The following FBXO34 variants were observed in gnomAD, a reference collection of about 807,000 sequenced individuals.
FBXO34 encodes the protein F-box only protein 34.
In FBXO34, 12 loss-of-function variants were observed where a neutral mutation model predicts 24.5. That is an observed-to-expected ratio of 0.49 (90% CI 0.31 to 0.79). FBXO34 has a LOEUF of 0.79. Ranked by LOEUF, FBXO34 falls within the 30% of genes least tolerant of loss-of-function variation. The pLI is 0.04. For missense variants in FBXO34, 823 were observed against 857.7 expected (o/e 0.96, Z 0.51); for synonymous variants, 320 against 311.9 (o/e 1.03, Z -0.27).
intron 1 of FBXO34, among the ~76,000 whole-genome samples, chr14:55,283,982 G>C (rs572348331): frequency 1.9e-4 from 29 of 149,946 alleles, no homozygotes; most frequent in African/African-American, 6.7e-4. Flanking sequence ...GTGTCTGTGT[G>C]TGTGTGTATG....
chr14:55,342,043 T>C (rs1215360071), intron 1 of FBXO34, among the ~76,000 whole-genome samples: 1 of 152,208 alleles, frequency 6.6e-6, no homozygotes, highest in Non-Finnish European at 1.5e-5. Flanking sequence ...AGGTGTTGCA[T>C]TTATTGCGAG....
At chr14:55,329,782 A>G (rs1481922278) in intron 1 of FBXO34, among the ~76,000 whole-genome samples, 1 of 152,188 alleles carries the variant, frequency 6.6e-6, no homozygotes, top group East Asian at 1.9e-4. Context: ...ATTTTCTCTT[A>G]GCCTCTTTAA....
chr14:55,336,950 G>C (rs1883801469), intron 1 of FBXO34, among the ~76,000 whole-genome samples: 1 of 149,878 alleles, frequency 6.7e-6, no homozygotes, highest in Non-Finnish European at 1.5e-5. Flanking sequence ...TGTTTGGTTG[G>C]TAGGTCTCTT....
chr14:55,294,795 A>C (rs1456154985), intron 1 of FBXO34, among the ~76,000 whole-genome samples: 2 of 152,176 alleles, frequency 1.3e-5, no homozygotes, highest in Non-Finnish European at 2.9e-5. Flanking sequence ...TGCCCAATAC[A>C]TCACCTGCCT....
intron 1 of FBXO34, among the ~76,000 whole-genome samples, chr14:55,276,615 C>T (rs894727826): frequency 3.3e-5 from 5 of 151,602 alleles, no homozygotes; most frequent in African/African-American, 1.2e-4. Context: ...GCTTGATTAA[C>T]TTTTATATCT....
chr14:55,282,405 G>T, intron 1 of FBXO34: 1 of 361,352 alleles, frequency 2.8e-6, no homozygotes, highest in Non-Finnish European at 5.6e-6. Flanking sequence ...AGCACACATT[G>T]GACCACGATA....
chr14:55,406,679 T>C, the FBXO34 span, among the ~76,000 whole-genome samples: 1 of 152,204 alleles, frequency 6.6e-6, no homozygotes, highest in Non-Finnish European at 1.5e-5. Flanking sequence ...TTTCACCTTA[T>C]TAGATACTGG....
the FBXO34 span, chr14:55,436,916 G>A: frequency 6.2e-7 from 1 of 1,614,096 alleles, no homozygotes; most frequent in Non-Finnish European, 8.5e-7. Flanking sequence ...TTGACTTCAG[G>A]GTTCGAATTA....
At chr14:55,416,492 C>G in the FBXO34 span, among the ~76,000 whole-genome samples, 14 of 152,058 alleles carry the variant, frequency 9.2e-5, no homozygotes, top group East Asian at 1.2e-3. Flanking sequence ...TATTCATTGC[C>G]AAAAAGTTTA....
At chr14:55,391,897 T>A in the FBXO34 span, among the ~76,000 whole-genome samples, 2 of 152,220 alleles carry the variant, frequency 1.3e-5, no homozygotes, top group Non-Finnish European at 2.9e-5. Flanking sequence ...TTTCAGTGCA[T>A]AACTCAAGTA....
At chr14:55,409,738 C>T in the FBXO34 span, among the ~76,000 whole-genome samples, 1 of 152,162 alleles carries the variant, frequency 6.6e-6, no homozygotes, top group Non-Finnish European at 1.5e-5. Flanking sequence ...GAGATTAAAT[C>T]AGAGGAACAG....
chr14:55,427,117 A>G, the FBXO34 span, among the ~76,000 whole-genome samples: 1 of 152,224 alleles, frequency 6.6e-6, no homozygotes, highest in Non-Finnish European at 1.5e-5. Flanking sequence ...AAGCACTGGG[A>G]GACTCTTAGA....
chr14:55,315,921 C>G (rs112645491), intron 1 of FBXO34, among the ~76,000 whole-genome samples: 8,833 of 152,102 alleles, frequency 0.058, 325 homozygotes, highest in South Asian at 0.089. Context: ...TGACTTTCTC[C>G]CCTCCTTTTT....
At chr14:55,313,793 T>A (rs776827145) in intron 1 of FBXO34, among the ~76,000 whole-genome samples, 6 of 152,200 alleles carry the variant, frequency 3.9e-5, no homozygotes, top group Non-Finnish European at 7.3e-5. Flanking sequence ...ACCCCCACCA[T>A]GATTCATTTA....
the FBXO34 span, among the ~76,000 whole-genome samples, chr14:55,393,251 G>A: frequency 8.5e-5 from 13 of 152,206 alleles, no homozygotes; most frequent in South Asian, 4.2e-4. Context: ...CGGGCGTGGT[G>A]GTGGGCGCCT....
the FBXO34 span, among the ~76,000 whole-genome samples, chr14:55,390,304 C>T: frequency 1.3e-5 from 2 of 152,018 alleles, no homozygotes; most frequent in Non-Finnish European, 2.9e-5. Flanking sequence ...CTCCTGACCT[C>T]AGGTGATCCA....
At chr14:55,381,149 G>A in the FBXO34 span, among the ~76,000 whole-genome samples, 3 of 151,992 alleles carry the variant, frequency 2.0e-5, no homozygotes, top group East Asian at 1.9e-4. Context: ...TCATTTACTT[G>A]CTTCCTACCT....
At chr14:55,285,435 G>A (rs1881726733) in intron 1 of FBXO34, 1 of 152,184 alleles carries the variant, frequency 6.6e-6, no homozygotes, top group South Asian at 2.1e-4. Flanking sequence ...CTAAGGTGGG[G>A]TGAAGGGAGG....
chr14:55,304,292 T>G (rs982999720), intron 1 of FBXO34, among the ~76,000 whole-genome samples: 1 of 152,222 alleles, frequency 6.6e-6, no homozygotes, highest in African/African-American at 2.4e-5. Context: ...CACCAGCTCC[T>G]TAATTCATTA....
Sources: gnomAD v4.1 joint callset for allele counts (sites outside exome capture counted in the v4.1 genomes callset) on GRCh38, gnomAD v4.1.1 for gene constraint, MANE v1.5 for transcripts, NCBI Gene and HGNC (gene_info 2026-07-23, HGNC 2026-07-21) for gene names.